The following TUSC3 variants were observed in gnomAD, a reference collection of about 807,000 sequenced individuals.
The protein encoded by TUSC3 is dolichyl-diphosphooligosaccharide--protein glycosyltransferase subunit TUSC3.
TUSC3 carries 45 observed loss-of-function variants against 44.8 expected under a neutral mutation model. The observed-to-expected ratio is 1.00, with a 90% CI of 0.79 to 1.29. The LOEUF is 1.29. TUSC3 is among the 50% of genes most tolerant of loss of function. TUSC3 has a pLI of 0.00. For synonymous variants in TUSC3, 212 were observed against 152.9 expected (o/e 1.39, Z -2.85); for missense variants, 519 against 437.9 (o/e 1.19, Z -1.65).
Position 15,567,411 on chromosome 8 carries a change from A to C in TUSC3, c.138+26843A>C, listed in dbSNP as rs191497160. Among the ~76,000 whole-genome samples, 392 of 152,254 alleles carry C rather than the reference A, an allele frequency of 2.6e-3. 5 individuals carry two copies. The highest frequency in any genetic ancestry group is 9.1e-3 in the African/African-American group (379 of 41,568). ...AAGATCCTTTGCATTATATATCTTCAAATCATCCATGGAAACTTGCCCAGA... is the reference window on the plus strand; with the variant it reads ...AAGATCCTTTGCATTATATATCTTCCAATCATCCATGGAAACTTGCCCAGA... On this transcript the variant is annotated intron_variant, in intron 1 of 10. Transcript: ENST00000503731.
At chr8:15,733,244 A>T (rs1810794539) in intron 7 of TUSC3, 1 of 287,528 alleles carries the variant, frequency 3.5e-6, no homozygotes, top group Admixed American at 5.1e-5. Context: ...ATTTAAAGAT[A>T]TTCAGGAAGC....
At chr8:15,780,948 C>T in the TUSC3 span, among the ~76,000 whole-genome samples, 1 of 152,200 alleles carries the variant, frequency 6.6e-6, no homozygotes, top group Non-Finnish European at 1.5e-5. Flanking sequence ...AAGAGCAAAG[C>T]TCCTTGTTTT....
chr8:15,637,461 T>G (rs1330646134), intron 2 of TUSC3, among the ~76,000 whole-genome samples: 1 of 152,190 alleles, frequency 6.6e-6, no homozygotes, highest in Non-Finnish European at 1.5e-5. Context: ...TTGTTTAATT[T>G]CTGATTTGAG....
At chr8:15,518,979 T>C (rs545281843) in intron 2 of TUSC3, among the ~76,000 whole-genome samples, 2 of 152,300 alleles carry the variant, frequency 1.3e-5, no homozygotes, top group East Asian at 1.9e-4. Context: ...ATCAATATAT[T>C]AAATCTCTGT....
chr8:15,719,443 T>G (rs568905091), intron 6 of TUSC3, among the ~76,000 whole-genome samples: 6 of 151,864 alleles, frequency 4.0e-5, no homozygotes, highest in African/African-American at 1.2e-4. Context: ...TCCCTTACTT[T>G]TTTCTGCTTT....
At chr8:15,619,986 C>T (rs1002429409) in intron 1 of TUSC3, among the ~76,000 whole-genome samples, 21 of 152,146 alleles carry the variant, frequency 1.4e-4, no homozygotes, top group African/African-American at 5.1e-4. Flanking sequence ...CCCTTGAACC[C>T]TGGAGGTGGA....
At chr8:15,781,640 A>G in the TUSC3 span, among the ~76,000 whole-genome samples, 3 of 152,214 alleles carry the variant, frequency 2.0e-5, no homozygotes, top group African/African-American at 7.2e-5. Context: ...GAGCCAAGAG[A>G]TTGAAATAGT....
chr8:15,491,945 C>T (rs1295055474), intron 2 of TUSC3, among the ~76,000 whole-genome samples: 2 of 152,110 alleles, frequency 1.3e-5, no homozygotes, highest in Non-Finnish European at 2.9e-5. Context: ...TACTCTTTAC[C>T]GTGGCTACTT....
the TUSC3 span, among the ~76,000 whole-genome samples, chr8:15,808,861 T>C: frequency 6.6e-6 from 1 of 152,150 alleles, no homozygotes; most frequent in Non-Finnish European, 1.5e-5. Flanking sequence ...AGGTTGTCTT[T>C]TTTTAAAAAA....
At chr8:15,644,231 A>G (rs915970378) in intron 2 of TUSC3, among the ~76,000 whole-genome samples, 8 of 152,330 alleles carry the variant, frequency 5.3e-5, no homozygotes, top group Admixed American at 2.0e-4. Flanking sequence ...ATTTAACAGA[A>G]CAGTGCCCTG....
chr8:15,542,083 G>T (rs1046801009), intron 1 of TUSC3, among the ~76,000 whole-genome samples: 7 of 151,810 alleles, frequency 4.6e-5, no homozygotes, highest in African/African-American at 1.7e-4. Flanking sequence ...AGGTGGTCAG[G>T]GTACAGCTGG....
At chr8:15,757,891 C>T (rs1811998875) in intron 10 of TUSC3, 36 bp downstream of exon 10, 1 of 1,442,974 alleles carries the variant, frequency 6.9e-7, no homozygotes, top group Non-Finnish European at 9.8e-7. Flanking sequence ...CTCAGTTTTC[C>T]TCATTTTTCA....
At chr8:15,464,543 A>T (rs897546228) in intron 1 of TUSC3, among the ~76,000 whole-genome samples, 4 of 152,214 alleles carry the variant, frequency 2.6e-5, no homozygotes, top group African/African-American at 9.6e-5. Context: ...ATATGTGTTA[A>T]AATAAAGTTA....
intron 1 of TUSC3, among the ~76,000 whole-genome samples, chr8:15,600,200 T>A (rs367615846): frequency 2.6e-5 from 4 of 151,932 alleles, no homozygotes; most frequent in East Asian, 3.9e-4. Context: ...TTTCCAAATA[T>A]GTTTTCTATT....
At chr8:15,534,197 GA>G (rs1343322525) in intron 2 of TUSC3, among the ~76,000 whole-genome samples, 3 of 151,972 alleles carry the variant, frequency 2.0e-5, no homozygotes, top group Admixed American at 6.5e-5. Context: ...GAGATAAAAT[GA>G]AAAGATCTTA....
chr8:15,631,831 A>G (rs994885096), intron 2 of TUSC3, among the ~76,000 whole-genome samples: 2 of 151,870 alleles, frequency 1.3e-5, no homozygotes, highest in African/African-American at 4.8e-5. Flanking sequence ...TCAGCCTCTC[A>G]GGTATCTGGG....
At chr8:15,686,434 C>T (rs1384864822) in intron 6 of TUSC3, among the ~76,000 whole-genome samples, 1 of 151,962 alleles carries the variant, frequency 6.6e-6, no homozygotes, top group Non-Finnish European at 1.5e-5. Flanking sequence ...CATGCACATG[C>T]AGAACATTTT....
chr8:15,570,339 G>C (rs989298095), intron 1 of TUSC3, among the ~76,000 whole-genome samples: 1 of 151,062 alleles, frequency 6.6e-6, no homozygotes, highest in Admixed American at 6.6e-5. Flanking sequence ...TGTTGACTAA[G>C]TTTTCTAATG....
At chr8:15,742,367 C>T (rs979434552) in intron 7 of TUSC3, among the ~76,000 whole-genome samples, 4 of 152,094 alleles carry the variant, frequency 2.6e-5, no homozygotes, top group African/African-American at 9.7e-5. Flanking sequence ...GTCATGGAAG[C>T]ATAAATGCCT....
Sources: allele counts gnomAD v4.1 joint callset (sites outside exome capture counted in the v4.1 genomes callset), GRCh38; gene constraint gnomAD v4.1.1; transcripts MANE v1.5; gene names NCBI Gene and HGNC (gene_info 2026-07-23, HGNC 2026-07-21).